Variants in IQSEC3 observed in about 807,000 individuals in gnomAD.
IQSEC3 encodes IQ motif and SEC7 domain-containing protein 3.
In IQSEC3, 50 loss-of-function variants were observed where a neutral mutation model predicts 105.4. The observed-to-expected ratio is 0.47, with a 90% CI of 0.38 to 0.60. The LOEUF (loss-of-function observed/expected upper bound fraction) is 0.60, where lower values mean the gene tolerates loss of function less well. Ranked by LOEUF, IQSEC3 falls within the 20% of genes least tolerant of loss-of-function variation. IQSEC3 has a pLI of 0.00. For synonymous variants in IQSEC3, 708 were observed against 746.0 expected, an observed-to-expected ratio of 0.95 and a Z score of 0.83; for missense variants, 1,415 against 1,630.0, an observed-to-expected ratio of 0.87 and a Z score of 2.27.
At chr12:172,217 C>T (rs533531224) in intron 13 of IQSEC3, among the ~76,000 whole-genome samples, 1 of 152,144 alleles carries the variant, frequency 6.6e-6, no homozygotes, top group Admixed American at 6.5e-5. Context: ...CTTCTCTCTC[C>T]CCCATGGCCC....
intron 5 of IQSEC3, among the ~76,000 whole-genome samples, chr12:143,050 C>T (rs1555089763): frequency 1.3e-5 from 2 of 152,226 alleles, no homozygotes; most frequent in Non-Finnish European, 1.5e-5. Flanking sequence ...GCAAGGCCCA[C>T]ATTGATCTGG....
chr12:139,233 G>C lies in IQSEC3; in HGVS notation c.1870G>C (p.Ala624Pro). 1 of 1,607,144 alleles carries C rather than the reference G, an allele frequency of 6.2e-7. No homozygotes were observed. The highest frequency in any genetic ancestry group is 8.5e-7 in the Non-Finnish European group (1 of 1,177,836). Residue 624 changes from alanine (A) to proline (P), a missense_variant, in exon 4 of 14, where the codon GCC becomes CCC. By Grantham distance (27) the Ala-to-Pro change is conservative. Transcript: ENST00000538872. ...SASASKDALQAMILSLPRYHC... is the reference protein window; with the variant it reads ...SASASKDALQPMILSLPRYHC... ...CTCCGCCTCCAAGGACGCCCTGCAGGCCATGATCCTGAGCCTGCCGCGCTA... is the reference window on the plus strand; with the variant it reads ...CTCCGCCTCCAAGGACGCCCTGCAGCCCATGATCCTGAGCCTGCCGCGCTA...
At chr12:151,623 C>G (rs1555092723) in intron 5 of IQSEC3, among the ~76,000 whole-genome samples, 2 of 152,238 alleles carry the variant, frequency 1.3e-5, no homozygotes, top group African/African-American at 4.8e-5. Flanking sequence ...TGTCGCTCCT[C>G]TGATCATACC....
intron 5 of IQSEC3, among the ~76,000 whole-genome samples, chr12:153,693 A>G (rs1866585899): frequency 6.6e-6 from 1 of 152,144 alleles, no homozygotes; most frequent in Non-Finnish European, 1.5e-5. Flanking sequence ...GAAGAACTAC[A>G]TCTGTTTATG....
At chr12:134,927 G>T (rs952212022) in intron 3 of IQSEC3, among the ~76,000 whole-genome samples, 2 of 152,088 alleles carry the variant, frequency 1.3e-5, no homozygotes, top group Non-Finnish European at 2.9e-5. Flanking sequence ...AGGAGTTCAA[G>T]TCCAGCCTGG....
intron 1 of IQSEC3, among the ~76,000 whole-genome samples, chr12:84,865 C>T (rs1863865837): frequency 1.3e-5 from 2 of 152,094 alleles, no homozygotes. Context: ...CTATGAAGGG[C>T]AAGATCAAGG....
At chr12:95,371 CA>C (rs1864213272) in intron 1 of IQSEC3, among the ~76,000 whole-genome samples, 1 of 152,092 alleles carries the variant, frequency 6.6e-6, no homozygotes, top group South Asian at 2.1e-4. Flanking sequence ...TATTAATGAA[CA>C]AAAGTCCAAG....
chr12:161,798 G>A (rs1044275499), intron 7 of IQSEC3, 128 bp from the exon 8 acceptor site: 5 of 834,332 alleles, frequency 6.0e-6, no homozygotes, highest in Non-Finnish European at 9.2e-6. Context: ...GCCATTGAAG[G>A]CATGGCAAGA....
intron 5 of IQSEC3, chr12:147,648 C>G (rs1866333088): frequency 6.6e-6 from 1 of 152,168 alleles, no homozygotes; most frequent in South Asian, 2.1e-4. Flanking sequence ...GCTGGTCCAG[C>G]CCTCTCATTT....
intron 1 of IQSEC3, among the ~76,000 whole-genome samples, chr12:90,769 C>A (rs1864057941): frequency 6.6e-6 from 1 of 152,194 alleles, no homozygotes; most frequent in South Asian, 2.1e-4. Context: ...ACAACTTGTT[C>A]TTGTTTTTCA....
At chr12:167,769 C>A (rs1555098966) in intron 11 of IQSEC3, 1 of 152,158 alleles carries the variant, frequency 6.6e-6, no homozygotes, top group East Asian at 1.9e-4. Flanking sequence ...GACTAATCCT[C>A]ACAACAGCTT....
rs529095343 is a variant in IQSEC3, at chr12:102,405, C to T, written c.623+3191C>T. ...CAGCCACAGGATCTCCCTGGCCATC[C>T]TCCTCTGCAGTCTGGCTAAGGCCGG... On this transcript the variant is annotated intron_variant, in intron 2 of 13. Coordinates refer to ENST00000538872, the MANE Select transcript of IQSEC3 (RefSeq NM_001170738.2). Among the ~76,000 whole-genome samples, 161 of 152,340 alleles carry T rather than the reference C, an allele frequency of 1.1e-3. 2 individuals carry two copies. The highest frequency in any genetic ancestry group is 3.7e-3 in the African/African-American group (152 of 41,578).
chr12:99,551 C>G (rs1228201565), intron 2 of IQSEC3, among the ~76,000 whole-genome samples: 1 of 152,232 alleles, frequency 6.6e-6, no homozygotes, highest in Non-Finnish European at 1.5e-5. Context: ...GGTAGGGTGC[C>G]TGGCACACAG....
At chr12:130,282 G>A (rs1199978273) in intron 3 of IQSEC3, among the ~76,000 whole-genome samples, 2 of 152,178 alleles carry the variant, frequency 1.3e-5, no homozygotes, top group African/African-American at 4.8e-5. Flanking sequence ...CCAGGCTAAC[G>A]GTTGCCATGT....
At position 172,149 on chromosome 12, in the gene IQSEC3, A is replaced by G. The variant is rs566495075; in HGVS notation, c.3114+988A>G. On this transcript the variant is annotated intron_variant, in intron 13 of 13. Transcript: ENST00000538872. Reference sequence around the variant, plus strand: ...ATTAGGTGTCTTAGGAAGCTGCCCTACCCATCAGTCTGACTAAGCCCTGGG... The same window carrying G: ...ATTAGGTGTCTTAGGAAGCTGCCCTGCCCATCAGTCTGACTAAGCCCTGGG... 5.0e-4 allele frequency among the ~76,000 whole-genome samples: 76 copies of G among 152,138 alleles called. 1 individual carries two copies. The highest frequency in any genetic ancestry group is 1.7e-3 in the African/African-American group (70 of 41,516).
At chr12:93,756 T>G (rs782406243) in intron 1 of IQSEC3, among the ~76,000 whole-genome samples, 8 of 152,130 alleles carry the variant, frequency 5.3e-5, no homozygotes, top group Non-Finnish European at 1.2e-4. Context: ...TAACTCGAGG[T>G]ATCTGGGTTA....
chr12:146,505 G>A (rs909370769), intron 5 of IQSEC3, among the ~76,000 whole-genome samples: 2 of 152,142 alleles, frequency 1.3e-5, no homozygotes, highest in African/African-American at 4.8e-5. Context: ...AAGTAGCCAG[G>A]TGTGGTGGCG....
chr12:99,277 C>T (rs1330774382), intron 2 of IQSEC3, 63 bp downstream of exon 2: 72 of 1,453,110 alleles, frequency 5.0e-5, no homozygotes, highest in Non-Finnish European at 6.5e-5. Flanking sequence ...CAACAAAGCA[C>T]GTACCACTGC....
At chr12:158,613 T>G (rs949080031) in intron 7 of IQSEC3, among the ~76,000 whole-genome samples, 1 of 152,244 alleles carries the variant, frequency 6.6e-6, no homozygotes, top group Non-Finnish European at 1.5e-5. Context: ...GTCCTTGAAC[T>G]TCATCTAAAT....
Sources: allele counts gnomAD v4.1 joint callset (sites outside exome capture counted in the v4.1 genomes callset), GRCh38; gene constraint gnomAD v4.1.1; transcripts MANE v1.5; gene names NCBI Gene and HGNC (gene_info 2026-07-23, HGNC 2026-07-21).